Variants in BAHCC1 observed in about 807,000 individuals in gnomAD.
The protein encoded by BAHCC1 is BAH domain and coiled-coil containing 1, also known as BAH and coiled-coil domain-containing protein 1.
BAHCC1 carries 43 observed loss-of-function variants against 88.2 expected under a neutral mutation model. The ratio of observed to expected loss-of-function variants is 0.49; its 90% CI spans 0.38 to 0.63. BAHCC1 has a LOEUF of 0.63. Among genes scored for constraint, BAHCC1 ranks in the 20% least tolerant of loss-of-function variants. BAHCC1 has a pLI of 0.00. For missense variants in BAHCC1, 3,023 were observed against 1,654.8 expected (o/e 1.83, Z -14.34); for synonymous variants, 1,510 against 745.5 (o/e 2.03, Z -16.71).
At chr17:81,423,048 C>T (rs1265821327) in intron 2 of BAHCC1, among the ~76,000 whole-genome samples, 2 of 152,168 alleles carry the variant, frequency 1.3e-5, no homozygotes, top group Non-Finnish European at 2.9e-5. Context: ...GCCTTGTGGT[C>T]CGGGAAGCCC....
At chr17:81,456,885 C>A (rs1264662968) in intron 16 of BAHCC1, among the ~76,000 whole-genome samples, 1 of 152,104 alleles carries the variant, frequency 6.6e-6, no homozygotes, top group East Asian at 1.9e-4. Context: ...GCCCTCTCAA[C>A]GGCCCCAGCC....
At position 81,419,963 on chromosome 17, in the gene BAHCC1, A is replaced by G. The variant is rs9908429; in HGVS notation, c.179-6837A>G. ...TTCCGTCTGCCTTCAGTCTGGTGCC[A>G]CAGGGCGGAGCAGGGTCAGCCTGGC... On this transcript the variant is annotated intron_variant, in intron 2 of 27. Transcript: ENST00000675386. Among the ~76,000 whole-genome samples, 219 of 152,160 alleles carry G rather than the reference A, an allele frequency of 1.4e-3. 2 individuals are homozygous for G. The highest frequency in any genetic ancestry group is 5.1e-3 in the African/African-American group (211 of 41,514).
At chr17:81,463,571 C>T (rs1197612670) in intron 27 of BAHCC1, 40 bp from the exon 28 acceptor site, 2 of 776,426 alleles carry the variant, frequency 2.6e-6, no homozygotes, top group African/African-American at 3.4e-5. Context: ...GGCGCACTGG[C>T]CAAGGCCGGC....
chr17:81,425,368 ATGTGGTTGGTGG>A (rs1202606560), intron 2 of BAHCC1, among the ~76,000 whole-genome samples: 7 of 79,372 alleles, frequency 8.8e-5, no homozygotes, highest in South Asian at 5.1e-4. Flanking sequence ...GTGGTGGGTG[ATGTGGTTGGTGG>A]TGTGGTTGGT....
At chr17:81,409,066 A>T (rs1417552922) in intron 2 of BAHCC1, among the ~76,000 whole-genome samples, 2 of 152,178 alleles carry the variant, frequency 1.3e-5, no homozygotes, top group Non-Finnish European at 2.9e-5. Flanking sequence ...CTAAGTTAGG[A>T]GGTGGCAGTG....
rs1401980369 is a variant in BAHCC1 at position 81,462,612 on chromosome 17, T to C, written c.7384-128T>C. On this transcript the variant is annotated intron_variant, in intron 26 of 27. Transcript: ENST00000675386. Reference sequence around the variant, plus strand: ...GCGGTGCTGCGGCTTCCTGCCCTTGTGGGCGCCCTGCACACTCACACTCAG... The same window carrying C: ...GCGGTGCTGCGGCTTCCTGCCCTTGCGGGCGCCCTGCACACTCACACTCAG... The C allele has an allele frequency of 1.8e-5, 11 of 611,486 alleles. No individual in the cohort carries two copies. The East Asian group carries it at 3.0e-4, about 17-fold the overall frequency. 37.9% of individuals were successfully genotyped at this position (611,486 alleles called of 1,614,324 possible).
At chr17:81,443,645 C>A in intron 5 of BAHCC1, 81 bp downstream of exon 5, 1 of 623,770 alleles carries the variant, frequency 1.6e-6, no homozygotes, top group South Asian at 1.8e-5. Context: ...CCCGGCTCCC[C>A]AGCTCCCACA....
In BAHCC1 at chr17:81,441,775, C is replaced by CT; in HGVS notation, c.482-53dup. 2 of 510,484 alleles carry CT rather than the reference C, an allele frequency of 3.9e-6. 1 individual carries two copies. The highest frequency in any genetic ancestry group is 8.9e-5 in the South Asian group (2 of 22,504). The allele number at this position is 510,484 out of a possible 1,614,324, so 31.6% of individuals were successfully genotyped here. A position where few individuals can be genotyped will look rare whatever the true frequency, so the allele number is the denominator to read the frequency against. On this transcript the variant is annotated intron_variant, in intron 4 of 27. Coordinates refer to ENST00000675386, the MANE Select transcript of BAHCC1 (RefSeq NM_001377448.1). ...ACCTGGAGCACCTGTCTCAGGGAGTCTTTCTCCAGCCTCACCCCTAAGGCC... is the reference window on the plus strand; with the variant it reads ...ACCTGGAGCACCTGTCTCAGGGAGTCTTTTCTCCAGCCTCACCCCTAAGGCC...
rs782317880 is a variant in BAHCC1 at position 81,459,623 on chromosome 17, G to A, written c.5905+19G>A. On this transcript the variant is annotated intron_variant, in intron 23 of 27. Coordinates refer to ENST00000675386, the MANE Select transcript of BAHCC1 (RefSeq NM_001377448.1). The stretch of plus-strand genomic sequence containing the variant: ...GTCCGGGGTAAGTTGCACCCAAAGC[G>A]GGGGCTGGGGCAGGCCCCTCTGAGA... 19 of 779,318 alleles carry A rather than the reference G, an allele frequency of 2.4e-5. No homozygotes were observed. Among genetic ancestry groups the A allele is most frequent in the South Asian group, 1.1e-4 (8 of 74,600 alleles). 48.3% of individuals were successfully genotyped at this position (779,318 alleles called of 1,614,324 possible).
intron 26 of BAHCC1, chr17:81,462,528 G>A: frequency 3.5e-6 from 2 of 571,940 alleles, no homozygotes; most frequent in Non-Finnish European, 6.2e-6. Flanking sequence ...GATTCCATGT[G>A]CGGGCTCCGT....
chr17:81,432,420 TCC>T (rs2064270672), intron 3 of BAHCC1, among the ~76,000 whole-genome samples: 1 of 152,020 alleles, frequency 6.6e-6, no homozygotes, highest in Non-Finnish European at 1.5e-5. Context: ...AGAGCTGATG[TCC>T]AGGGTGCCGG....
At chr17:81,426,605 C>CT (rs2064203103) in intron 2 of BAHCC1, among the ~76,000 whole-genome samples, 195 bp from the exon 3 acceptor site, 1 of 151,850 alleles carries the variant, frequency 6.6e-6, no homozygotes, top group African/African-American at 2.4e-5. Flanking sequence ...ACTCAGGACT[C>CT]TGAGTGTGGC....
At chr17:81,398,640 G>A (rs1421748740) in intron 1 of BAHCC1, among the ~76,000 whole-genome samples, 1 of 152,232 alleles carries the variant, frequency 6.6e-6, no homozygotes, top group African/African-American at 2.4e-5. Context: ...CCCCCAATCC[G>A]CAGAGGAAGA....
rs551932265 is a variant in BAHCC1, at chr17:81,457,420, T to C, written c.4869T>C (p.Tyr1623=). 6 of 770,720 alleles carry C rather than the reference T, an allele frequency of 7.8e-6. No individual in the cohort carries two copies. The highest frequency in any genetic ancestry group is 1.4e-5 in the Non-Finnish European group (6 of 414,240). 47.7% of individuals were successfully genotyped at this position (770,720 alleles called of 1,614,324 possible). Residue 1623 remains tyrosine, a synonymous_variant, in exon 17 of 28, where the codon TAT becomes TAC. Coordinates refer to ENST00000675386, the MANE Select transcript of BAHCC1 (RefSeq NM_001377448.1). Reference sequence around the variant, plus strand: ...CTGCCTCTCTCCCAGGCAGTGGCTATGACAGTGAGGACTGCGAGGGTCTCC... The same window carrying C: ...CTGCCTCTCTCCCAGGCAGTGGCTACGACAGTGAGGACTGCGAGGGTCTCC... ...VAASQEAGSG[Y]DSEDCEGLLG... is the part of the protein sequence containing the mutation.
chr17:81,418,213 G>A (rs1276760209), intron 2 of BAHCC1, among the ~76,000 whole-genome samples: 2 of 152,210 alleles, frequency 1.3e-5, no homozygotes, highest in African/African-American at 2.4e-5. Context: ...ACAGAGCGCC[G>A]CCCCGAATCT....
At chr17:81,429,124 G>T (rs1261826870) in intron 3 of BAHCC1, among the ~76,000 whole-genome samples, 1 of 152,228 alleles carries the variant, frequency 6.6e-6, no homozygotes, top group Non-Finnish European at 1.5e-5. Flanking sequence ...TCCGTGTCAG[G>T]TGGGGGTGGG....
chr17:81,425,587 A>G (rs1480098949), intron 2 of BAHCC1, among the ~76,000 whole-genome samples: 71 of 4,284 alleles, frequency 0.017, no homozygotes, highest in Non-Finnish European at 0.024. Context: ...TGGGGGTGAT[A>G]GTGGTGGGTG....
Position 81,399,150 on chromosome 17 carries a change from T to TGTGTGTGTGC in BAHCC1, c.-206-381_-206-380insTGTGTGCGTG, listed in dbSNP as rs1567989390. On this transcript the variant is annotated intron_variant, in intron 1 of 27. Coordinates refer to ENST00000675386, the MANE Select transcript of BAHCC1 (RefSeq NM_001377448.1). The surrounding 1 kb of genome is among the most constrained non-coding windows in gnomAD (Gnocchi z 4.5). ...GTGAGTGTGTGTGTGTGTGTGTGTG[T>TGTGTGTGTGC]GTGCGAGTGTGCGTGATGGCTTCGC... is the stretch of plus-strand genomic sequence containing the variant. The TGTGTGTGTGC allele has an allele frequency of 5.3e-6, 2 of 380,638 alleles. No individual in the cohort carries two copies. Among genetic ancestry groups the TGTGTGTGTGC allele is most frequent in the African/African-American group, 4.7e-5 (2 of 42,344 alleles). The allele number at this position is 380,638 out of a possible 1,614,324, so 23.6% of individuals were successfully genotyped here.
At chr17:81,432,348 C>T (rs961343194) in intron 3 of BAHCC1, among the ~76,000 whole-genome samples, 3 of 152,076 alleles carry the variant, frequency 2.0e-5, no homozygotes, top group South Asian at 2.1e-4. Flanking sequence ...GTGTCAAGGA[C>T]GCTGCCTGGG....
Sources: allele counts gnomAD v4.1 joint callset (sites outside exome capture counted in the v4.1 genomes callset), GRCh38; gene constraint gnomAD v4.1.1; non-coding constraint Gnocchi (gnomAD v3.1); transcripts MANE v1.5; gene names NCBI Gene and HGNC (gene_info 2026-07-23, HGNC 2026-07-21).